TRDN: variants seen among roughly 807,000 people sequenced by gnomAD.
TRDN encodes the protein triadin in skeletal muscle.
A neutral mutation model predicts 149.7 loss-of-function variants in TRDN; 161 were observed. The ratio of observed to expected loss-of-function variants is 1.08; its 90% CI spans 0.95 to 1.23. TRDN has a LOEUF of 1.23. TRDN is among the 50% of genes most tolerant of loss of function. The pLI, the probability that TRDN is intolerant of heterozygous loss-of-function variation, is 0.00. For missense variants in TRDN, 896 were observed against 823.5 expected, an observed-to-expected ratio of 1.09 and a Z score of -1.08; for synonymous variants, 294 against 250.5, an observed-to-expected ratio of 1.17 and a Z score of -1.64.
intron 21 of TRDN, among the ~76,000 whole-genome samples, chr6:123,346,345 T>G (rs763025180): frequency 2.6e-5 from 4 of 152,098 alleles, no homozygotes; most frequent in Non-Finnish European, 4.4e-5. Flanking sequence ...ACTTTTCAAA[T>G]GTCAAACTAG....
chr6:123,473,485 G>A (rs1475956971), intron 9 of TRDN, among the ~76,000 whole-genome samples: 1 of 152,050 alleles, frequency 6.6e-6, no homozygotes, highest in Non-Finnish European at 1.5e-5. Flanking sequence ...ACCTGAAAGT[G>A]ATGGGGAGAA....
intron 12 of TRDN, among the ~76,000 whole-genome samples, chr6:123,411,288 G>A (rs1237861755): frequency 4.0e-5 from 6 of 151,864 alleles, no homozygotes; most frequent in Admixed American, 6.6e-5. Context: ...CTCATGATCC[G>A]CCTGCCTCGG....
intron 12 of TRDN, among the ~76,000 whole-genome samples, chr6:123,419,925 A>T (rs1773825210): frequency 6.6e-6 from 1 of 152,200 alleles, no homozygotes; most frequent in Non-Finnish European, 1.5e-5. Flanking sequence ...TCTCGAAAAC[A>T]AATGAATGTG....
Position 123,464,936 on chromosome 6 carries a change from T to G in TRDN, c.901A>C (p.Arg301=), listed in dbSNP as rs562618624. The G allele has an allele frequency of 6.3e-7, 1 of 1,598,870 alleles. No individual in the cohort carries two copies. The highest frequency in any genetic ancestry group is 1.3e-5 in the African/African-American group (1 of 74,842). ...PPPLPTEQAS[R]PTPASPALEE... The stretch of plus-strand genomic sequence containing the variant: ...AGGGCAGGTGATGCCGGAGTGGGTC[T>G]GGAAGCTTGTTCTGTCGGTAAGGGA... Residue 301 remains arginine, a synonymous_variant, in exon 10 of 41, where the codon AGA becomes CGA. Transcript: ENST00000334268.
chr6:123,436,512 A>G (rs1258067036), intron 12 of TRDN, among the ~76,000 whole-genome samples: 1 of 152,064 alleles, frequency 6.6e-6, no homozygotes, highest in Non-Finnish European at 1.5e-5. Context: ...ATGATGCCAG[A>G]TATTTCTACG....
chr6:123,624,018 A>G (rs576234011), intron 1 of TRDN, among the ~76,000 whole-genome samples: 1 of 152,304 alleles, frequency 6.6e-6, no homozygotes, highest in Non-Finnish European at 1.5e-5. Context: ...AGTGTCAGAG[A>G]GTTACATATA....
chr6:123,571,169 G>C (rs761384699), intron 1 of TRDN, 37 bp from the exon 2 acceptor site: 3 of 1,601,152 alleles, frequency 1.9e-6, no homozygotes, highest in Non-Finnish European at 2.6e-6. Flanking sequence ...ATAATTTAGA[G>C]ATTCATGGTA....
Position 123,237,323 on chromosome 6 carries a change from C to T in TRDN, c.1976-13192G>A, listed in dbSNP as rs1329896190. 5.9e-5 allele frequency among the ~76,000 whole-genome samples: 9 copies of T among 152,082 alleles called. No homozygotes were observed. The East Asian group carries it at 1.7e-3, about 29-fold the overall frequency. On this transcript the variant is annotated intron_variant, in intron 38 of 40. Transcript: ENST00000334268. ...GGAGTGCAGTGGCACAATCTTGGCTCACTGCAAACTCTGCCTCGCTGGTTC... is the reference window on the plus strand; with the variant it reads ...GGAGTGCAGTGGCACAATCTTGGCTTACTGCAAACTCTGCCTCGCTGGTTC...
At chr6:123,329,162 C>T (rs746641900) in intron 23 of TRDN, among the ~76,000 whole-genome samples, 19 of 152,184 alleles carry the variant, frequency 1.2e-4, no homozygotes, top group South Asian at 2.1e-4. Context: ...GAGTCCTGAA[C>T]GACATTTTTA....
chr6:123,524,876 C>T (rs1327137741), intron 5 of TRDN, among the ~76,000 whole-genome samples: 1 of 152,096 alleles, frequency 6.6e-6, no homozygotes, highest in Admixed American at 6.6e-5. Context: ...CTACCATGAA[C>T]TGTAAACTTG....
chr6:123,562,893 A>C (rs1353853087), intron 2 of TRDN, among the ~76,000 whole-genome samples: 1 of 152,220 alleles, frequency 6.6e-6, no homozygotes, highest in Admixed American at 6.5e-5. Flanking sequence ...TCACTTTGCT[A>C]ATCTACATTT....
intron 23 of TRDN, among the ~76,000 whole-genome samples, chr6:123,324,014 C>T (rs773150589): frequency 2.0e-5 from 3 of 152,032 alleles, no homozygotes; most frequent in Non-Finnish European, 2.9e-5. Context: ...TGGCAGATGG[C>T]GAGTTGGAAA....
intron 21 of TRDN, chr6:123,351,920 AT>A: frequency 1.0e-6 from 1 of 984,792 alleles, no homozygotes; most frequent in Non-Finnish European, 1.2e-6. Flanking sequence ...GTACTGTAGC[AT>A]TTTTCTCAAG....
intron 23 of TRDN, among the ~76,000 whole-genome samples, chr6:123,325,278 T>C (rs1454256898): frequency 6.6e-6 from 1 of 152,160 alleles, no homozygotes; most frequent in East Asian, 1.9e-4. Flanking sequence ...ACATGACAGT[T>C]GTAGTATTTC....
chr6:123,292,577 G>A, intron 24 of TRDN, among the ~76,000 whole-genome samples: 1 of 152,110 alleles, frequency 6.6e-6, no homozygotes, highest in Non-Finnish European at 1.5e-5. Context: ...GTTTAGCCAG[G>A]AGACTTACTT....
At chr6:123,340,631 C>T (rs914540125) in intron 21 of TRDN, among the ~76,000 whole-genome samples, 2 of 151,992 alleles carry the variant, frequency 1.3e-5, no homozygotes, top group African/African-American at 4.8e-5. Flanking sequence ...TTCAAAAACT[C>T]TCTCTCTCTT....
chr6:123,238,516 A>G (rs939928440), intron 38 of TRDN, among the ~76,000 whole-genome samples: 4 of 152,196 alleles, frequency 2.6e-5, no homozygotes, highest in Non-Finnish European at 5.9e-5. Context: ...AATTTATAGA[A>G]GTCAAGAAAG....
At chr6:123,398,533 G>A (rs957361997) in intron 12 of TRDN, among the ~76,000 whole-genome samples, 2 of 152,118 alleles carry the variant, frequency 1.3e-5, no homozygotes, top group Non-Finnish European at 2.9e-5. Flanking sequence ...CAAATTCTAA[G>A]TTATTGTTTT....
At chr6:123,476,060 G>T (rs1228264526) in intron 9 of TRDN, among the ~76,000 whole-genome samples, 2 of 136,780 alleles carry the variant, frequency 1.5e-5, no homozygotes, top group Non-Finnish European at 3.1e-5. Flanking sequence ...TCTGGCCAGG[G>T]CAATTAGGCA....
Sources: gnomAD v4.1 joint callset for allele counts (sites outside exome capture counted in the v4.1 genomes callset) on GRCh38, gnomAD v4.1.1 for gene constraint, MANE v1.5 for transcripts, NCBI Gene and HGNC (gene_info 2026-07-23, HGNC 2026-07-21) for gene names.